The following MAF variants were observed in gnomAD, a reference collection of about 807,000 sequenced individuals.
MAF encodes the protein transcription factor Maf.
Under a neutral mutation model 22.0 loss-of-function variants are expected in MAF, and 10 were observed. The ratio of observed to expected loss-of-function variants is 0.45; its 90% CI spans 0.28 to 0.77. MAF has a LOEUF of 0.77. Ranked by LOEUF, MAF falls within the 30% of genes least tolerant of loss-of-function variation. The probability of loss-of-function intolerance (pLI) is 0.12; values close to 1 mark genes in which losing one functional copy is unlikely to be tolerated. For synonymous variants in MAF, 337 were observed against 255.8 expected, an observed-to-expected ratio of 1.32 and a Z score of -3.03; for missense variants, 544 against 548.4, an observed-to-expected ratio of 0.99 and a Z score of 0.08.
chr16:79,554,575 T>G, the MAF span, among the ~76,000 whole-genome samples: 1 of 152,078 alleles, frequency 6.6e-6, no homozygotes, highest in African/African-American at 2.4e-5. Context: ...ATGAGGACAT[T>G]TGCAAACAAG....
chr16:79,294,416 T>C, the MAF span, among the ~76,000 whole-genome samples: 1 of 152,168 alleles, frequency 6.6e-6, no homozygotes, highest in Non-Finnish European at 1.5e-5. Context: ...TGACTACGTG[T>C]GATCAAGAGT....
the MAF span, among the ~76,000 whole-genome samples, chr16:79,512,740 A>G: frequency 6.6e-6 from 1 of 152,212 alleles, no homozygotes; most frequent in Non-Finnish European, 1.5e-5. Context: ...TGCGTGAGTC[A>G]GGTTTTGTGG....
chr16:79,224,129 G>A, the MAF span, among the ~76,000 whole-genome samples: 4 of 152,098 alleles, frequency 2.6e-5, no homozygotes, highest in South Asian at 2.1e-4. Flanking sequence ...CTGGCAAACC[G>A]AATCCAGCAG....
the MAF span, among the ~76,000 whole-genome samples, chr16:79,244,110 T>G: frequency 6.6e-6 from 1 of 152,038 alleles, no homozygotes; most frequent in Non-Finnish European, 1.5e-5. Flanking sequence ...GCCAGTATCA[T>G]ACTGAAGGGG....
the MAF span, among the ~76,000 whole-genome samples, chr16:79,447,905 A>AAAAAAAAAAAAAAAAAAAAAAAAG: frequency 2.3e-5 from 2 of 85,800 alleles, no homozygotes; most frequent in African/African-American, 4.6e-5. Flanking sequence ...AAAAAAAAAA[A>AAAAAAAAAAAAAAAAAAAAAAAAG]AAAAGAAAAG....
At chr16:79,556,692 A>T in the MAF span, among the ~76,000 whole-genome samples, 1 of 152,216 alleles carries the variant, frequency 6.6e-6, no homozygotes, top group East Asian at 1.9e-4. Context: ...AAACACAATT[A>T]GACTTACATT....
the MAF span, among the ~76,000 whole-genome samples, chr16:79,250,800 G>A: frequency 2.0e-5 from 3 of 152,188 alleles, no homozygotes; most frequent in Non-Finnish European, 2.9e-5. Flanking sequence ...TTGCTAGCGT[G>A]GCCTGGCTTT....
chr16:79,394,133 C>A, the MAF span, among the ~76,000 whole-genome samples: 1 of 152,122 alleles, frequency 6.6e-6, no homozygotes, highest in Non-Finnish European at 1.5e-5. Context: ...GCAAGGAGAG[C>A]AAAATAAATC....
rs1913847478 is a variant in MAF, at chr16:79,599,429, G to A, written c.474C>T (p.Gly158=). The A allele has an allele frequency of 3.3e-6, 4 of 1,215,260 alleles. No homozygotes were observed. The highest frequency in any genetic ancestry group is 4.1e-6 in the Non-Finnish European group (4 of 980,282). The allele number at this position is 1,215,260 out of a possible 1,614,324, so 75.3% of individuals were successfully genotyped here. ...CGGCGGACACCACGGCGGCGGCGGGGCCCATCTCCTCGCCGCTGCCGCCCA... is the reference window on the plus strand; with the variant it reads ...CGGCGGACACCACGGCGGCGGCGGGACCCATCTCCTCGCCGCTGCCGCCCA... ...ASLGGSGEEM[G]PAAAVVSAVI... Residue 158 remains glycine, a synonymous_variant, in exon 1 of 2, where the codon GGC becomes GGT. Coordinates refer to ENST00000326043, the MANE Select transcript of MAF (RefSeq NM_005360.5).
the MAF span, among the ~76,000 whole-genome samples, chr16:79,281,589 G>A: frequency 0.53 from 73,541 of 138,628 alleles, 21,379 homozygotes; most frequent in Admixed American, 0.68. Context: ...TTGCTCTGTC[G>A]CCAGGCTGGA....
the MAF span, among the ~76,000 whole-genome samples, chr16:79,457,041 T>C: frequency 3.1e-4 from 47 of 152,172 alleles, no homozygotes; most frequent in African/African-American, 7.2e-4. Context: ...TAGGGACTCA[T>C]TGAAGATTAA....
chr16:79,563,696 C>A, the MAF span, among the ~76,000 whole-genome samples: 185 of 151,984 alleles, frequency 1.2e-3, no homozygotes, highest in African/African-American at 4.3e-3. Context: ...CATTATATTT[C>A]TTATTGGACA....
At chr16:79,317,269 CCTCCCTCCTTCCTTCCTTCCTTTT>C in the MAF span, among the ~76,000 whole-genome samples, 1 of 145,122 alleles carries the variant, frequency 6.9e-6, no homozygotes, top group African/African-American at 2.6e-5. Context: ...TCCTTCCTTC[CCTCCCTCCTTCCTTCCTTCCTTTT>C]CTCCCTCCTT....
the MAF span, among the ~76,000 whole-genome samples, chr16:79,518,793 C>T: frequency 5.3e-5 from 8 of 152,128 alleles, no homozygotes; most frequent in Admixed American, 1.3e-4. Flanking sequence ...GGCTTGGTGG[C>T]GCATGCCCAT....
the MAF span, among the ~76,000 whole-genome samples, chr16:79,560,150 A>G: frequency 6.6e-6 from 1 of 151,372 alleles, no homozygotes; most frequent in African/African-American, 2.4e-5. Flanking sequence ...GCCTCAAGCA[A>G]TTCTCCTGCC....
chr16:79,482,398 A>G, the MAF span, among the ~76,000 whole-genome samples: 1 of 152,160 alleles, frequency 6.6e-6, no homozygotes, highest in Non-Finnish European at 1.5e-5. Flanking sequence ...AATCTCTGCA[A>G]GGGTGGAGAG....
chr16:79,576,627 A>C, the MAF span, among the ~76,000 whole-genome samples: 39 of 152,166 alleles, frequency 2.6e-4, no homozygotes, highest in African/African-American at 8.4e-4. Flanking sequence ...GAAAAACTTA[A>C]AGTGTAGGAG....
the MAF span, among the ~76,000 whole-genome samples, chr16:79,394,260 C>T: frequency 1.3e-5 from 2 of 152,202 alleles, no homozygotes; most frequent in African/African-American, 2.4e-5. Context: ...GCTTCCTTTC[C>T]TTCTTGCGGC....
chr16:79,563,358 T>A, the MAF span, among the ~76,000 whole-genome samples: 1 of 152,214 alleles, frequency 6.6e-6, no homozygotes, highest in Non-Finnish European at 1.5e-5. Flanking sequence ...CTACTTTGTG[T>A]TTAAATTTAA....
Sources: gnomAD v4.1 joint callset for allele counts (sites outside exome capture counted in the v4.1 genomes callset) on GRCh38, gnomAD v4.1.1 for gene constraint, MANE v1.5 for transcripts, NCBI Gene and HGNC (gene_info 2026-07-23, HGNC 2026-07-21) for gene names.